Variants in SCAMP4 observed in about 807,000 individuals in gnomAD.
SCAMP4 encodes the protein secretory carrier membrane protein 4, also known as secretory carrier-associated membrane protein 4.
SCAMP4 carries 19 observed loss-of-function variants against 32.1 expected under a neutral mutation model. The observed-to-expected ratio is 0.59, with a 90% confidence interval of 0.41 to 0.87. SCAMP4 has a LOEUF of 0.87. Among genes scored for constraint, SCAMP4 ranks in the 40% least tolerant of loss-of-function variants. The probability of loss-of-function intolerance (pLI) is 0.00; values close to 1 mark genes in which losing one functional copy is unlikely to be tolerated. For synonymous variants in SCAMP4, 152 were observed against 132.7 expected (o/e 1.15, Z -1.00); for missense variants, 302 against 309.0 (o/e 0.98, Z 0.17).
intron 1 of SCAMP4, chr19:1,913,162 C>G (rs2013589689): frequency 6.6e-7 from 1 of 1,525,156 alleles, no homozygotes; most frequent in Admixed American, 2.0e-5. Flanking sequence ...GCGCCGCCCT[C>G]CTGCCTCCGG....
intron 1 of SCAMP4, chr19:1,912,779 C>T (rs866932530): frequency 6.4e-7 from 1 of 1,568,054 alleles, no homozygotes; most frequent in East Asian, 2.4e-5. Context: ...TCATGGTGTG[C>T]GTGGACCTCG....
intron 5 of SCAMP4, chr19:1,922,856 C>T: frequency 1.6e-6 from 2 of 1,289,414 alleles, no homozygotes; most frequent in East Asian, 3.3e-5. Flanking sequence ...CGGCTCACTG[C>T]TGCGATGGTG....
intron 5 of SCAMP4, chr19:1,921,344 C>T: frequency 1.0e-6 from 1 of 985,430 alleles, no homozygotes; most frequent in Non-Finnish European, 1.2e-6. Context: ...TCTGTGGTGG[C>T]AGAGGACTGG....
In SCAMP4 at chr19:1,908,527, G is replaced by C; in HGVS notation, c.-42+3088G>C. On this transcript the variant is annotated intron_variant, in intron 1 of 6. Coordinates refer to ENST00000316097, the MANE Select transcript of SCAMP4 (RefSeq NM_079834.4). The surrounding 1 kb of genome is among the most constrained non-coding windows in gnomAD (Gnocchi z 4.2). ...ATACCAGCGGGGATGTGTAGTCCAG[G>C]CTGGCAGTTCAGGATCACCCGGCTG... 1 of 471,190 alleles carries C rather than the reference G, an allele frequency of 2.1e-6. No individual in the cohort carries two copies. The highest frequency in any genetic ancestry group is 1.5e-5 in the South Asian group (1 of 64,570). 29.2% of individuals were successfully genotyped at this position (471,190 alleles called of 1,614,324 possible). A position where few individuals can be genotyped will look rare whatever the true frequency, so the allele number is the denominator to read the frequency against.
intron 6 of SCAMP4, 99 bp from the exon 7 acceptor site, chr19:1,924,009 C>T (rs2014014175): frequency 1.3e-6 from 1 of 773,702 alleles, no homozygotes; most frequent in Middle Eastern, 3.6e-4. Context: ...GTCTGTCTGC[C>T]TCGGCCTCCC....
chr19:1,916,933 G>T (rs1457357897), intron 2 of SCAMP4, among the ~76,000 whole-genome samples: 2 of 152,256 alleles, frequency 1.3e-5, no homozygotes, highest in African/African-American at 4.8e-5. Context: ...TGCTGCAGCC[G>T]CACCCACACT....
chr19:1,921,486 A>G, intron 5 of SCAMP4: 1 of 985,432 alleles, frequency 1.0e-6, no homozygotes, highest in African/African-American at 1.7e-5. Context: ...ATCGGACATC[A>G]GCGGGCGCCG....
At position 1,925,916 on chromosome 19, in the gene SCAMP4, C is replaced by T. The variant is rs1402820755; in HGVS notation, c.*1632C>T. On this transcript the variant is annotated 3_prime_UTR_variant, in exon 7 of 7. Coordinates refer to ENST00000316097, the MANE Select transcript of SCAMP4 (RefSeq NM_079834.4). ...ATCTCACCTGGCAGGCCCAACCCCC[C>T]CCCACCCCTCCCCCGCCGTGTGTGG... is the stretch of plus-strand genomic sequence containing the variant. The T allele has an allele frequency of 1.9e-5, 1 of 53,644 alleles. No individual in the cohort carries two copies. The highest frequency in any genetic ancestry group is 9.4e-4 in the East Asian group (1 of 1,062). The allele number at this position is 53,644 out of a possible 1,614,324, so 3.3% of individuals were successfully genotyped here.
rs1568771315 is a variant in SCAMP4 at position 1,918,186 on chromosome 19, G to T, written c.196G>T (p.Gly66Cys). 4.3e-6 allele frequency: 7 copies of T among 1,612,774 alleles called. No individual in the cohort carries two copies. Among genetic ancestry groups the T allele is most frequent in the African/African-American group, 1.3e-5 (1 of 75,072 alleles). ...IACLAWWIGG[G>C]SGTNFGLAFV... ...CTGCCTGGCCTGGTGGATCGGCGGA[G>T]GCTCGGGGACCAACTTCGGCCTGGC... The change falls in exon 4 of 7, where the codon GGC becomes TGC. Residue 66 changes from glycine (G) to cysteine (C), a missense_variant. Transcript: ENST00000316097.
rs186132441 is a variant in SCAMP4 at position 1,923,882 on chromosome 19, C to T, written c.514-226C>T. ...CCTCGTGATCCTCCCGCCTCGGCCT[C>T]CCGAAGTGCTGGGATGACAGGCGTG... On this transcript the variant is annotated intron_variant, in intron 6 of 6. Coordinates refer to ENST00000316097, the MANE Select transcript of SCAMP4 (RefSeq NM_079834.4). Among the ~76,000 whole-genome samples, 50 of 115,448 alleles carry T rather than the reference C, an allele frequency of 4.3e-4. 2 individuals are homozygous for T. Among genetic ancestry groups the T allele is most frequent in the Non-Finnish European group, 9.6e-4 (44 of 45,750 alleles). The allele number at this position is 115,448 out of a possible 152,430, so 75.7% of individuals were successfully genotyped here. A position where few individuals can be genotyped will look rare whatever the true frequency, so the allele number is the denominator to read the frequency against.
Position 1,908,119 on chromosome 19 carries a change from C to T in SCAMP4, c.-42+2680C>T. ...GTGGAGTGTTTGTGGCCTAGCAGGG[C>T]CGTGCGGGCCTCTCGGTCCTGGTCG... On this transcript the variant is annotated intron_variant, in intron 1 of 6. Transcript: ENST00000316097. This position sits in a 1 kb window ranked among gnomAD's most constrained non-coding sequence, Gnocchi z 4.2. 1 of 223,916 alleles carries T rather than the reference C, an allele frequency of 4.5e-6. No homozygotes were observed. The highest frequency in any genetic ancestry group is 5.3e-5 in the South Asian group (1 of 18,946). The allele number at this position is 223,916 out of a possible 1,614,324, so 13.9% of individuals were successfully genotyped here.
At chr19:1,909,183 G>C (rs2145427131) in intron 1 of SCAMP4, among the ~76,000 whole-genome samples, 1 of 152,254 alleles carries the variant, frequency 6.6e-6, no homozygotes, top group Middle Eastern at 3.4e-3. Context: ...AGTCTGTGGG[G>C]GCAGATGCAG....
chr19:1,917,886 C>T, intron 3 of SCAMP4, 64 bp downstream of exon 3: 1 of 1,599,252 alleles, frequency 6.3e-7, no homozygotes, highest in African/African-American at 1.3e-5. Context: ...GAGGGAGTGG[C>T]ATTCAGGCAG....
chr19:1,912,855 G>GCCGCTGCCCCCCAGGCCGT (rs1568765958), intron 1 of SCAMP4: 1 of 1,597,746 alleles, frequency 6.3e-7, no homozygotes, highest in Admixed American at 1.7e-5. Flanking sequence ...CTTCGCCCCG[G>GCCGCTGCCCCCCAGGCCGT]CCGCTGCCCC....
chr19:1,921,024 G>T (rs2013902797), intron 5 of SCAMP4: 1 of 985,336 alleles, frequency 1.0e-6, no homozygotes, highest in Admixed American at 6.1e-5. Context: ...ACGCTCTTGA[G>T]AAAGAAACCC....
intron 6 of SCAMP4, among the ~76,000 whole-genome samples, chr19:1,923,483 C>T (rs1192767548): frequency 6.6e-6 from 1 of 152,232 alleles, no homozygotes; most frequent in Non-Finnish European, 1.5e-5. Context: ...TTTGCAGGAA[C>T]AGCTGAGGCC....
At position 1,915,043 on chromosome 19, in the gene SCAMP4, T is replaced by C; in HGVS notation, c.7+17T>C. On this transcript the variant is annotated intron_variant, in intron 2 of 6. Transcript: ENST00000316097. ...AGATGTCAGGTGAGTCCTGCCTGCC[T>C]GGGAGCCTCCAGCAGCGTGGGCGGG... 6.2e-7 allele frequency: 1 copy of C among 1,613,620 alleles called. No individual in the cohort carries two copies.
intron 1 of SCAMP4, chr19:1,912,027 C>CCAGCCGCCCG: frequency 1.4e-6 from 2 of 1,417,882 alleles, no homozygotes; most frequent in Non-Finnish European, 1.8e-6. Context: ...CGGCTCTCCC[C>CCAGCCGCCCG]CAGCCGCCCG....
intron 1 of SCAMP4, among the ~76,000 whole-genome samples, chr19:1,914,088 A>G (rs994288753): frequency 2.6e-5 from 4 of 151,078 alleles, no homozygotes; most frequent in Non-Finnish European, 5.9e-5. Context: ...AGGAGGTGGG[A>G]GCCGCAGAGG....
Sources: allele counts gnomAD v4.1 joint callset (sites outside exome capture counted in the v4.1 genomes callset), GRCh38; gene constraint gnomAD v4.1.1; non-coding constraint Gnocchi (gnomAD v3.1); transcripts MANE v1.5; gene names NCBI Gene and HGNC (gene_info 2026-07-23, HGNC 2026-07-21).